The following DLG2 variants were observed in gnomAD, a reference collection of about 807,000 sequenced individuals.
The protein encoded by DLG2 is discs large MAGUK scaffold protein 2, also known as disks large homolog 2.
DLG2 carries 45 observed loss-of-function variants against 132.5 expected under a neutral mutation model. That is an observed-to-expected ratio of 0.34 (90% CI 0.27 to 0.44). The LOEUF (loss-of-function observed/expected upper bound fraction) is 0.44, where lower values mean the gene tolerates loss of function less well. Ranked by LOEUF, DLG2 falls within the 20% of genes least tolerant of loss-of-function variation. The pLI is 1.00. For missense variants in DLG2, 1,045 were observed against 1,196.9 expected (o/e 0.87, Z 1.87); for synonymous variants, 424 against 419.6 (o/e 1.01, Z -0.13).
rs935868015 is a variant in DLG2, at chr11:83,945,011, T to C, written c.1341-14528A>G. Among the ~76,000 whole-genome samples, 3 of 152,192 alleles carry C rather than the reference T, an allele frequency of 2.0e-5. No individual in the cohort carries two copies. The East Asian group carries it at 5.8e-4, about 29-fold the overall frequency. On this transcript the variant is annotated intron_variant, in intron 14 of 27. Transcript: ENST00000376104. ...AGGGAAATGGTTGAATTCTAGATTA[T>C]TACAAGAATGGAGGGTCCCCAAATT...
intron 21 of DLG2, among the ~76,000 whole-genome samples, chr11:83,514,637 G>T (rs562061329): frequency 2.6e-5 from 4 of 152,268 alleles, no homozygotes; most frequent in African/African-American, 9.6e-5. Flanking sequence ...TCCAGTTTTT[G>T]CCCATTCAGT....
intron 7 of DLG2, among the ~76,000 whole-genome samples, chr11:84,327,821 A>C (rs2098440026): frequency 6.6e-6 from 1 of 152,120 alleles, no homozygotes; most frequent in Non-Finnish European, 1.5e-5. Flanking sequence ...TTGTCTTTTA[A>C]GTTCCTTAGT....
intron 18 of DLG2, among the ~76,000 whole-genome samples, chr11:83,778,796 T>C (rs887748386): frequency 2.0e-5 from 3 of 152,132 alleles, no homozygotes; most frequent in African/African-American, 7.2e-5. Context: ...GGACCTTTCA[T>C]GAATGAATCT....
rs892972143 is a variant in DLG2, at chr11:85,449,320, T to C, written c.40+149337A>G. 3.3e-5 allele frequency among the ~76,000 whole-genome samples: 5 copies of C among 152,078 alleles called. No individual in the cohort carries two copies. In the South Asian group the frequency reaches 8.3e-4, roughly 25 times the overall value. The stretch of plus-strand genomic sequence containing the variant: ...GTGATATCAGCTCTTGTCATTCTAA[T>C]GTCCATGTCTTTTAACCACTCTTTT... On this transcript the variant is annotated intron_variant, in intron 3 of 27. Transcript: ENST00000376104.
intron 3 of DLG2, among the ~76,000 whole-genome samples, chr11:85,524,788 C>T (rs1269576231): frequency 6.6e-6 from 1 of 152,052 alleles, no homozygotes; most frequent in Non-Finnish European, 1.5e-5. Context: ...GCCACTGTAC[C>T]CCACTGCTAC....
intron 7 of DLG2, among the ~76,000 whole-genome samples, chr11:84,343,734 T>C (rs1035440533): frequency 3.9e-5 from 6 of 152,196 alleles, no homozygotes; most frequent in Admixed American, 1.3e-4. Context: ...TGGTAAAATA[T>C]AGAAAAATTT....
intron 7 of DLG2, among the ~76,000 whole-genome samples, chr11:84,372,276 T>A (rs1052101262): frequency 1.3e-5 from 2 of 152,192 alleles, no homozygotes. Flanking sequence ...AATTTCAGTG[T>A]TGCTTTTTAT....
intron 6 of DLG2, among the ~76,000 whole-genome samples, chr11:84,691,460 A>G (rs1422031779): frequency 6.6e-6 from 1 of 151,882 alleles, no homozygotes; most frequent in Non-Finnish European, 1.5e-5. Flanking sequence ...AAAAAATTTT[A>G]GTAACTTAAA....
At chr11:83,855,896 G>T (rs1310336539) in intron 16 of DLG2, among the ~76,000 whole-genome samples, 5 of 151,988 alleles carry the variant, frequency 3.3e-5, no homozygotes, top group Non-Finnish European at 4.4e-5. Flanking sequence ...CTTGTTTGTT[G>T]TACTTGAAGG....
chr11:85,287,985 G>A (rs185164716), intron 3 of DLG2, among the ~76,000 whole-genome samples: 12 of 152,104 alleles, frequency 7.9e-5, no homozygotes, highest in Admixed American at 4.6e-4. Context: ...AGCAAAGGAC[G>A]ACATGAAAAG....
chr11:84,156,901 G>C (rs2095439875), intron 9 of DLG2, among the ~76,000 whole-genome samples: 1 of 152,114 alleles, frequency 6.6e-6, no homozygotes, highest in African/African-American at 2.4e-5. Flanking sequence ...AAAATCATTA[G>C]ATATCTGATT....
intron 4 of DLG2, among the ~76,000 whole-genome samples, chr11:85,245,989 T>A (rs2076116741): frequency 6.6e-6 from 1 of 151,938 alleles, no homozygotes; most frequent in Non-Finnish European, 1.5e-5. Flanking sequence ...TATTCTATCA[T>A]TTTTTAAATT....
chr11:84,939,957 G>C (rs1160602845), intron 6 of DLG2, among the ~76,000 whole-genome samples: 1 of 152,052 alleles, frequency 6.6e-6, no homozygotes, highest in Non-Finnish European at 1.5e-5. Context: ...GTGTTTGCTG[G>C]GTCATATAGT....
chr11:84,971,884 G>A (rs1047767384), intron 6 of DLG2, among the ~76,000 whole-genome samples: 3 of 152,092 alleles, frequency 2.0e-5, no homozygotes, highest in Admixed American at 6.6e-5. Flanking sequence ...GAATGTAGGA[G>A]GGAATGTCTA....
chr11:85,336,363 TC>T (rs1030326457), intron 3 of DLG2: 4 of 152,704 alleles, frequency 2.6e-5, no homozygotes, highest in South Asian at 2.1e-4. Flanking sequence ...GCCATTGAGA[TC>T]CCCCCCTGCC....
chr11:83,857,332 G>GT (rs1224457581), intron 16 of DLG2, among the ~76,000 whole-genome samples: 4 of 152,094 alleles, frequency 2.6e-5, no homozygotes, highest in Non-Finnish European at 5.9e-5. Context: ...TTTTAAAATA[G>GT]TTTTTTTCTA....
chr11:85,458,742 A>G (rs777642757), intron 3 of DLG2, among the ~76,000 whole-genome samples: 14 of 152,236 alleles, frequency 9.2e-5, no homozygotes, highest in African/African-American at 3.4e-4. Flanking sequence ...ACTTACACAT[A>G]GTGGCCTGTA....
chr11:85,324,734 G>A (rs1396603942), intron 3 of DLG2, among the ~76,000 whole-genome samples: 3 of 148,170 alleles, frequency 2.0e-5, no homozygotes, highest in East Asian at 2.0e-4. Context: ...AAAACGGTGT[G>A]CTTAAAGAAG....
chr11:83,822,764 C>T (rs1169032302), intron 17 of DLG2, among the ~76,000 whole-genome samples: 1 of 152,160 alleles, frequency 6.6e-6, no homozygotes, highest in Admixed American at 6.5e-5. Flanking sequence ...GTTATTTCTC[C>T]AATAAATTCT....
Sources: allele counts gnomAD v4.1 joint callset (sites outside exome capture counted in the v4.1 genomes callset), GRCh38; gene constraint gnomAD v4.1.1; transcripts MANE v1.5; gene names NCBI Gene and HGNC (gene_info 2026-07-23, HGNC 2026-07-21).